The following ADGRL2 variants were observed in gnomAD, a reference collection of about 807,000 sequenced individuals.
ADGRL2 encodes the protein calcium-independent alpha-latrotoxin receptor 2.
Under a neutral mutation model 157.4 loss-of-function variants are expected in ADGRL2, and 44 were observed. That is an observed-to-expected ratio of 0.28 (90% CI 0.22 to 0.36). The LOEUF (loss-of-function observed/expected upper bound fraction) is 0.36, where lower values mean the gene tolerates loss of function less well. Among genes scored for constraint, ADGRL2 ranks in the 10% least tolerant of loss-of-function variants. The pLI, the probability that ADGRL2 is intolerant of heterozygous loss-of-function variation, is 1.00. For synonymous variants in ADGRL2, 585 were observed against 624.7 expected (o/e 0.94, Z 0.95); for missense variants, 1,510 against 1,768.9 (o/e 0.85, Z 2.63).
intron 1 of ADGRL2, among the ~76,000 whole-genome samples, chr1:81,349,361 A>C (rs1298933095): frequency 3.9e-5 from 6 of 152,196 alleles, no homozygotes; most frequent in Non-Finnish European, 8.8e-5. Flanking sequence ...CCTTCTATTC[A>C]TGTTGTCTTA....
At chr1:81,940,227 C>T (rs1647372012) in intron 4 of ADGRL2, among the ~76,000 whole-genome samples, 1 of 151,220 alleles carries the variant, frequency 6.6e-6, no homozygotes, top group Admixed American at 6.6e-5. Context: ...TAATTTATTT[C>T]AGTAAAATTA....
chr1:81,528,596 A>G (rs987205233), intron 2 of ADGRL2, among the ~76,000 whole-genome samples: 3 of 148,004 alleles, frequency 2.0e-5, no homozygotes, highest in Non-Finnish European at 3.0e-5. Flanking sequence ...GCAGTGAGCC[A>G]AGATAGTGCC....
intron 3 of ADGRL2, among the ~76,000 whole-genome samples, chr1:81,597,048 A>G (rs973237832): frequency 1.3e-5 from 2 of 152,242 alleles, no homozygotes; most frequent in Admixed American, 1.3e-4. Context: ...TGAATTTATA[A>G]GATAATGAAA....
At chr1:81,896,523 C>T (rs1221096887) in intron 2 of ADGRL2, among the ~76,000 whole-genome samples, 1 of 152,006 alleles carries the variant, frequency 6.6e-6, no homozygotes, top group Non-Finnish European at 1.5e-5. Flanking sequence ...TTTGAAAAAA[C>T]ATTTTCTGAT....
chr1:81,322,765 A>G (rs1427554244), intron 1 of ADGRL2, among the ~76,000 whole-genome samples: 1 of 152,232 alleles, frequency 6.6e-6, no homozygotes, highest in Non-Finnish European at 1.5e-5. Context: ...GGGGAACAGT[A>G]AAATAACCAA....
intron 1 of ADGRL2, among the ~76,000 whole-genome samples, chr1:81,342,836 A>G (rs1442710275): frequency 1.3e-5 from 2 of 152,066 alleles, no homozygotes; most frequent in East Asian, 1.9e-4. Flanking sequence ...TAGGTTGGGG[A>G]ATTTAGATTT....
intron 1 of ADGRL2, among the ~76,000 whole-genome samples, chr1:81,805,220 T>G (rs931399559): frequency 3.3e-5 from 5 of 152,088 alleles, no homozygotes; most frequent in African/African-American, 4.8e-5. Context: ...TATCCATGAA[T>G]GAAAAAAAGA....
At chr1:81,946,363 G>C (rs1163857532) in intron 6 of ADGRL2, among the ~76,000 whole-genome samples, 1 of 133,466 alleles carries the variant, frequency 7.5e-6, no homozygotes, top group Non-Finnish European at 1.6e-5. Flanking sequence ...TTTTTGGTGA[G>C]TTTTGAGCTC....
At chr1:81,329,383 T>C (rs1399646622) in intron 1 of ADGRL2, among the ~76,000 whole-genome samples, 1 of 152,072 alleles carries the variant, frequency 6.6e-6, no homozygotes, top group Admixed American at 6.6e-5. Context: ...GACAGACATA[T>C]TGCTGTTTCT....
rs1211960800 is a variant in ADGRL2, at chr1:81,991,893, T to C, written c.*748T>C. The C allele has an allele frequency of 2.0e-5, 3 of 152,662 alleles. No homozygotes were observed. The highest frequency in any genetic ancestry group is 2.9e-5 in the Non-Finnish European group (2 of 68,032). The allele number at this position is 152,662 out of a possible 1,614,324, so 9.5% of individuals were successfully genotyped here. On this transcript the variant is annotated 3_prime_UTR_variant, in exon 24 of 24. Transcript: ENST00000686636. ...GCTCTTGGTTGCACATGTTATGAAATGTTTTTTCTTACACTTTGTCATGGT... is the reference window on the plus strand; with the variant it reads ...GCTCTTGGTTGCACATGTTATGAAACGTTTTTTCTTACACTTTGTCATGGT...
At chr1:81,722,899 A>C (rs2084382530) in intron 1 of ADGRL2, 7 of 727,058 alleles carry the variant, frequency 9.6e-6, no homozygotes, top group Non-Finnish European at 1.8e-5. Flanking sequence ...GAATGCCTGG[A>C]CTCAATGAAA....
At chr1:81,574,235 G>A (rs1346540048) in intron 2 of ADGRL2, among the ~76,000 whole-genome samples, 3 of 150,700 alleles carry the variant, frequency 2.0e-5, no homozygotes, top group Non-Finnish European at 4.4e-5. Flanking sequence ...GGGGGAGGGG[G>A]AGGGGGAGGA....
chr1:81,811,221 T>C lies in ADGRL2; in HGVS notation c.-101+10153T>C, dbSNP rs889442137. On this transcript the variant is annotated intron_variant, in intron 1 of 23. Coordinates refer to ENST00000686636, the MANE Select transcript of ADGRL2 (RefSeq NM_001366006.2). ...TCATTTGTTTCATTGGGAAAAGATATAACTGATACCTCAGTATGATATTTC... is the reference window on the plus strand; with the variant it reads ...TCATTTGTTTCATTGGGAAAAGATACAACTGATACCTCAGTATGATATTTC... Among the ~76,000 whole-genome samples the C allele has an allele frequency of 3.9e-5, 6 of 152,018 alleles. No individual in the cohort carries two copies. In the East Asian group the frequency reaches 7.7e-4, roughly 20 times the overall value.
intron 4 of ADGRL2, among the ~76,000 whole-genome samples, chr1:81,940,890 G>C (rs1246815424): frequency 6.7e-6 from 1 of 150,294 alleles, no homozygotes; most frequent in East Asian, 1.9e-4. Context: ...ATCTTACATA[G>C]CCCCCTTCCT....
chr1:81,469,411 T>C (rs944083524), intron 2 of ADGRL2, among the ~76,000 whole-genome samples: 7 of 152,178 alleles, frequency 4.6e-5, no homozygotes, highest in African/African-American at 1.7e-4. Context: ...AGTGCTTCTG[T>C]TAAAGTCGCT....
intron 1 of ADGRL2, among the ~76,000 whole-genome samples, chr1:81,415,858 T>TTTA: frequency 6.6e-6 from 1 of 151,534 alleles, no homozygotes; most frequent in African/African-American, 2.4e-5. Flanking sequence ...TTTTTTTTTT[T>TTTA]GAGACGGAGT....
At chr1:81,864,464 C>T (rs901922146) in intron 2 of ADGRL2, among the ~76,000 whole-genome samples, 8 of 151,982 alleles carry the variant, frequency 5.3e-5, no homozygotes, top group South Asian at 2.1e-4. Flanking sequence ...GAATATTGCA[C>T]CTAAGAATGA....
chr1:81,337,288 C>A (rs1278384503), intron 1 of ADGRL2, among the ~76,000 whole-genome samples: 1 of 152,180 alleles, frequency 6.6e-6, no homozygotes, highest in Non-Finnish European at 1.5e-5. Flanking sequence ...TCACGGATGA[C>A]AAAGCTAAAA....
At chr1:81,774,225 A>G (rs1007227901) in intron 2 of ADGRL2, among the ~76,000 whole-genome samples, 6 of 152,196 alleles carry the variant, frequency 3.9e-5, no homozygotes, top group African/African-American at 1.4e-4. Flanking sequence ...CTAACCCTAA[A>G]ATACATTTCA....
Sources: gnomAD v4.1 joint callset for allele counts (sites outside exome capture counted in the v4.1 genomes callset) on GRCh38, gnomAD v4.1.1 for gene constraint, MANE v1.5 for transcripts, NCBI Gene and HGNC (gene_info 2026-07-23, HGNC 2026-07-21) for gene names.